The following PCYT1B variants were observed in gnomAD, a reference collection of about 807,000 sequenced individuals.
PCYT1B encodes the protein phosphate cytidylyltransferase 1B, choline.
In PCYT1B, 10 loss-of-function variants were observed where a neutral mutation model predicts 26.4. The ratio of observed to expected loss-of-function variants is 0.38; its 90% CI spans 0.23 to 0.64. The LOEUF (loss-of-function observed/expected upper bound fraction) is 0.64, where lower values mean the gene tolerates loss of function less well. Ranked by LOEUF, PCYT1B falls within the 30% of genes least tolerant of loss-of-function variation. PCYT1B has a pLI of 0.56. For missense variants in PCYT1B, 161 were observed against 292.7 expected, an observed-to-expected ratio of 0.55 and a Z score of 3.28; for synonymous variants, 131 against 108.4, an observed-to-expected ratio of 1.21 and a Z score of -1.29.
At chrX:24,659,896 A>G (rs1400928882) in intron 1 of PCYT1B, among the ~76,000 whole-genome samples, 2 of 112,052 alleles carry the variant, frequency 1.8e-5, no homozygotes, top group African/African-American at 6.5e-5. Flanking sequence ...TTGGGGATTA[A>G]GTTTCTAACA....
In PCYT1B at chrX:24,629,317, G is replaced by A. The variant is rs184341997; in HGVS notation, c.118-10233C>T. On this transcript the variant is annotated intron_variant, in intron 1 of 7. Transcript: ENST00000379144. The stretch of plus-strand genomic sequence containing the variant: ...TCAGTAGCTCACGCTTGTAATCCCA[G>A]CTCGTTGGGAGGCAGAGGCAGGCAG... Among the ~76,000 whole-genome samples the A allele has an allele frequency of 5.5e-5, 6 of 109,833 alleles. No individual in the cohort carries two copies. In the East Asian group the frequency reaches 1.7e-3, roughly 31 times the overall value.
intron 1 of PCYT1B, among the ~76,000 whole-genome samples, chrX:24,670,113 A>AAAGAAAGG (rs1602218930): frequency 2.0e-3 from 46 of 23,542 alleles, no homozygotes; most frequent in South Asian, 3.1e-3. Flanking sequence ...AGAAAGAAAG[A>AAAGAAAGG]AAGGAAGGAA....
intron 7 of PCYT1B, among the ~76,000 whole-genome samples, chrX:24,574,468 C>T (rs781474278): frequency 9.0e-6 from 1 of 111,490 alleles, no homozygotes; most frequent in East Asian, 2.8e-4. Flanking sequence ...AGACCCTCTA[C>T]ATTTCCTCTC....
At chrX:24,569,142 T>A (rs185142273) in intron 7 of PCYT1B, among the ~76,000 whole-genome samples, 2 of 111,052 alleles carry the variant, frequency 1.8e-5, no homozygotes, top group East Asian at 2.8e-4. Flanking sequence ...AAAGATAAAA[T>A]TTTTTAAACT....
Position 24,561,183 on chromosome X carries a change from G to A in PCYT1B, c.*1110C>T, listed in dbSNP as rs1335557282. 2 of 112,669 alleles carry A rather than the reference G, an allele frequency of 1.8e-5. No homozygotes were observed. Among genetic ancestry groups the A allele is most frequent in the Non-Finnish European group, 3.7e-5 (2 of 53,342 alleles). The allele number at this position is 112,669 out of a possible 1,213,427, so 9.3% of individuals were successfully genotyped here. On this transcript the variant is annotated 3_prime_UTR_variant, in exon 8 of 8. Coordinates refer to ENST00000379144, the MANE Select transcript of PCYT1B (RefSeq NM_004845.5). ...AAAGTGCCCAAGTCACAAGAGAACAGATGTTTCTTGAGACCAAGGATTTCA... is the reference window on the plus strand; with the variant it reads ...AAAGTGCCCAAGTCACAAGAGAACAAATGTTTCTTGAGACCAAGGATTTCA...
chrX:24,615,668 T>C (rs1380198922), intron 2 of PCYT1B, among the ~76,000 whole-genome samples: 1 of 111,366 alleles, frequency 9.0e-6, no homozygotes, highest in Non-Finnish European at 1.9e-5. Flanking sequence ...TTCATCATGT[T>C]GGCCAAGGTG....
upstream of PCYT1B, among the ~76,000 whole-genome samples, chrX:24,652,041 T>C (rs968441304): frequency 7.2e-5 from 8 of 111,374 alleles, no homozygotes; most frequent in Non-Finnish European, 1.3e-4. Flanking sequence ...AGGAAACATG[T>C]TGGAGGTAGG....
At chrX:24,621,271 A>G (rs1015688478) in intron 1 of PCYT1B, among the ~76,000 whole-genome samples, 5 of 111,029 alleles carry the variant, frequency 4.5e-5, no homozygotes, top group Non-Finnish European at 7.5e-5. Flanking sequence ...ACTTATTTGA[A>G]CCTCAGTTTC....
chrX:24,582,939 C>A (rs1022236999), intron 5 of PCYT1B, among the ~76,000 whole-genome samples: 1 of 111,916 alleles, frequency 8.9e-6, no homozygotes, highest in Admixed American at 9.5e-5. Flanking sequence ...ATCAGCAGAG[C>A]AGATTTGATG....
intron 3 of PCYT1B, among the ~76,000 whole-genome samples, chrX:24,601,418 G>A (rs1251133971): frequency 2.7e-5 from 3 of 109,346 alleles, no homozygotes; most frequent in Non-Finnish European, 5.7e-5. Context: ...GCTTGAACCC[G>A]GGAGGCAGAG....
At chrX:24,626,049 G>C (rs979156397) in intron 1 of PCYT1B, among the ~76,000 whole-genome samples, 2 of 109,503 alleles carry the variant, frequency 1.8e-5, no homozygotes. Context: ...GGGAGGCGGA[G>C]GTTGCAGTGA....
At chrX:24,660,689 AAAAAAAAGAGG>A (rs1927010839) in intron 1 of PCYT1B, among the ~76,000 whole-genome samples, 1 of 109,667 alleles carries the variant, frequency 9.1e-6, no homozygotes, top group Non-Finnish European at 1.9e-5. Context: ...AAAAAAAAAA[AAAAAAAAGAGG>A]AAAAAAAAGA....
chrX:24,669,797 G>A (rs1359366060), intron 1 of PCYT1B, among the ~76,000 whole-genome samples: 3 of 108,666 alleles, frequency 2.8e-5, no homozygotes, highest in East Asian at 2.9e-4. Flanking sequence ...ATCCCAGTGC[G>A]TTGGGAGGTT....
chrX:24,595,521 G>A (rs1456447579), intron 3 of PCYT1B, among the ~76,000 whole-genome samples: 2 of 110,809 alleles, frequency 1.8e-5, no homozygotes, highest in African/African-American at 3.3e-5. Flanking sequence ...TGGAGGCCCC[G>A]CTCCTGTTTC....
intron 1 of PCYT1B, among the ~76,000 whole-genome samples, chrX:24,670,088 GAAAGAAAGAAAGAAAGA>G (rs1927214871): frequency 2.2e-5 from 2 of 89,225 alleles, no homozygotes; most frequent in East Asian, 3.7e-4. Context: ...AAGAAAGAAA[GAAAGAAAGAAAGAAAGA>G]AAGAAAGAAA....
chrX:24,570,120 G>A (rs1321630595), intron 7 of PCYT1B, among the ~76,000 whole-genome samples: 2 of 102,989 alleles, frequency 1.9e-5, no homozygotes, highest in African/African-American at 7.1e-5. Flanking sequence ...CTGGGAGGTG[G>A]AGGTTGCAGT....
intron 2 of PCYT1B, 122 bp downstream of exon 2, chrX:24,618,863 T>C (rs769155248): frequency 3.7e-5 from 14 of 377,427 alleles, no homozygotes; most frequent in East Asian, 3.0e-4. Flanking sequence ...CTCAAGGTGA[T>C]CCACCCACCT....
intron 3 of PCYT1B, among the ~76,000 whole-genome samples, chrX:24,594,922 C>T (rs999316608): frequency 9.0e-6 from 1 of 111,352 alleles, no homozygotes; most frequent in African/African-American, 3.3e-5. Flanking sequence ...CTGCTATTAC[C>T]GGAAAAGTTA....
intron 1 of PCYT1B, among the ~76,000 whole-genome samples, chrX:24,653,726 G>A (rs1172976664): frequency 9.1e-6 from 1 of 109,939 alleles, no homozygotes; most frequent in Non-Finnish European, 1.9e-5. Flanking sequence ...AAGGTCTCAA[G>A]ATACCATTAA....
Sources: gnomAD v4.1 joint callset for allele counts (sites outside exome capture counted in the v4.1 genomes callset) on GRCh38, gnomAD v4.1.1 for gene constraint, MANE v1.5 for transcripts, NCBI Gene and HGNC (gene_info 2026-07-23, HGNC 2026-07-21) for gene names.